The following EBF2 variants were observed in gnomAD, a reference collection of about 807,000 sequenced individuals.
EBF2 encodes the protein EBF transcription factor 2, also known as transcription factor COE2.
Under a neutral mutation model 72.8 loss-of-function variants are expected in EBF2, and 21 were observed. The ratio of observed to expected loss-of-function variants is 0.29; its 90% CI spans 0.20 to 0.42. The LOEUF (loss-of-function observed/expected upper bound fraction) is 0.42, where lower values mean the gene tolerates loss of function less well. EBF2 is among the 10% of genes least tolerant of loss of function. The probability of loss-of-function intolerance (pLI) is 1.00; values close to 1 mark genes in which losing one functional copy is unlikely to be tolerated. For synonymous variants in EBF2, 299 were observed against 274.2 expected, an observed-to-expected ratio of 1.09 and a Z score of -0.89; for missense variants, 637 against 731.2, an observed-to-expected ratio of 0.87 and a Z score of 1.49.
At chr8:25,888,757 T>G (rs1802731808) in intron 8 of EBF2, among the ~76,000 whole-genome samples, 1 of 152,332 alleles carries the variant, frequency 6.6e-6, no homozygotes, top group South Asian at 2.1e-4. Flanking sequence ...AGGCCATAAC[T>G]AAAGTCAATC....
At chr8:25,914,281 T>G (rs572859802) in intron 6 of EBF2, among the ~76,000 whole-genome samples, 3 of 152,328 alleles carry the variant, frequency 2.0e-5, no homozygotes, top group Admixed American at 6.5e-5. Context: ...AATCTAGATC[T>G]TAACTGGAAT....
chr8:25,872,283 A>T (rs1802451991), intron 10 of EBF2, among the ~76,000 whole-genome samples: 2 of 151,846 alleles, frequency 1.3e-5, no homozygotes, highest in Non-Finnish European at 1.5e-5. Flanking sequence ...TGCTTTTTTT[A>T]AAAAAAATGT....
chr8:25,933,926 T>G (rs1803528487), intron 6 of EBF2, among the ~76,000 whole-genome samples: 1 of 152,186 alleles, frequency 6.6e-6, no homozygotes. Context: ...TGTCCATATT[T>G]TCTAAATTTT....
intron 1 of EBF2, among the ~76,000 whole-genome samples, chr8:26,042,937 G>A (rs1398806263): frequency 6.6e-6 from 1 of 152,164 alleles, no homozygotes; most frequent in Non-Finnish European, 1.5e-5. Context: ...CCCGGGGATC[G>A]CTGGCCACCA....
intron 6 of EBF2, among the ~76,000 whole-genome samples, chr8:26,015,016 G>A (rs777228345): frequency 3.9e-5 from 6 of 152,152 alleles, no homozygotes; most frequent in East Asian, 1.9e-4. Flanking sequence ...GATGCAAATC[G>A]TAGGGTGTTA....
At chr8:25,966,155 C>T (rs1804111648) in intron 6 of EBF2, among the ~76,000 whole-genome samples, 1 of 152,174 alleles carries the variant, frequency 6.6e-6, no homozygotes. Flanking sequence ...TTGCTCAAGG[C>T]CTGAGGCTTT....
intron 10 of EBF2, among the ~76,000 whole-genome samples, chr8:25,870,157 C>T (rs796719593): frequency 3.9e-5 from 6 of 152,114 alleles, no homozygotes; most frequent in Admixed American, 2.0e-4. Context: ...AGACCCCATG[C>T]GGAATCAACT....
intron 10 of EBF2, among the ~76,000 whole-genome samples, chr8:25,882,700 T>G (rs1585274360): frequency 6.6e-6 from 1 of 152,184 alleles, no homozygotes; most frequent in East Asian, 1.9e-4. Context: ...GTTAAGTCAC[T>G]TCCCCAAGAT....
intron 15 of EBF2, among the ~76,000 whole-genome samples, chr8:25,845,182 A>G (rs1457363375): frequency 1.3e-5 from 2 of 151,758 alleles, no homozygotes; most frequent in Non-Finnish European, 2.9e-5. Flanking sequence ...TCTGATGCTC[A>G]TTGCAAATGA....
At chr8:25,886,458 A>G (rs1254964867) in intron 10 of EBF2, among the ~76,000 whole-genome samples, 1 of 152,210 alleles carries the variant, frequency 6.6e-6, no homozygotes, top group Non-Finnish European at 1.5e-5. Flanking sequence ...CTATTTTTTA[A>G]TCTGACCATG....
rs558433267 is a variant in EBF2, at chr8:25,889,976, G to C, written c.634-107C>G. 5.7e-5 allele frequency: 50 copies of C among 884,768 alleles called. No homozygotes were observed. In the African/African-American group the frequency reaches 7.6e-4, roughly 13 times the overall value. 54.8% of individuals were successfully genotyped at this position (884,768 alleles called of 1,614,324 possible). A position where few individuals can be genotyped will look rare whatever the true frequency, so the allele number is the denominator to read the frequency against. ...TTTGCCACACTTCCATTTGGCAAAG[G>C]GGAGATGGGACAGAACTTGGGACTC... On this transcript the variant is annotated intron_variant, in intron 7 of 15. Transcript: ENST00000520164.
chr8:26,019,129 T>A lies in EBF2; in HGVS notation c.551+13956A>T, dbSNP rs549841505. Among the ~76,000 whole-genome samples, 3 of 152,260 alleles carry A rather than the reference T, an allele frequency of 2.0e-5. No homozygotes were observed. The South Asian group carries it at 6.2e-4, about 32-fold the overall frequency. ...CAAGGTTTCTTAACTTTCCCTGGAA[T>A]TATCCAATGTGCAACAAGTTCAGGC... is the stretch of plus-strand genomic sequence containing the variant. On this transcript the variant is annotated intron_variant, in intron 6 of 15. Transcript: ENST00000520164.
intron 10 of EBF2, among the ~76,000 whole-genome samples, chr8:25,873,113 G>C (rs117724578): frequency 3.3e-5 from 5 of 152,140 alleles, no homozygotes; most frequent in African/African-American, 7.2e-5. Context: ...ACATGCAAAG[G>C]CTACGTTAAA....
intron 6 of EBF2, among the ~76,000 whole-genome samples, chr8:26,003,478 T>A (rs1804776587): frequency 6.6e-6 from 1 of 152,194 alleles, no homozygotes; most frequent in South Asian, 2.1e-4. Flanking sequence ...AGCAGGTAAG[T>A]AGTCTCCTGT....
intron 7 of EBF2, among the ~76,000 whole-genome samples, chr8:25,895,536 G>C (rs1802852062): frequency 6.6e-6 from 1 of 152,172 alleles, no homozygotes; most frequent in African/African-American, 2.4e-5. Flanking sequence ...ATACAAGAAA[G>C]TTTTAAGAAC....
intron 10 of EBF2, among the ~76,000 whole-genome samples, chr8:25,868,622 A>G (rs1802375806): frequency 1.3e-5 from 2 of 152,138 alleles, no homozygotes; most frequent in Admixed American, 1.3e-4. Context: ...CTTGGGCTAC[A>G]GACATGCACC....
At chr8:25,900,463 AAAAG>A (rs1181281752) in intron 7 of EBF2, among the ~76,000 whole-genome samples, 1 of 151,620 alleles carries the variant, frequency 6.6e-6, no homozygotes, top group African/African-American at 2.4e-5. Flanking sequence ...TGTCTGTAAA[AAAAG>A]AAAGAAAAAG....
chr8:25,988,770 T>G (rs573264200), intron 6 of EBF2, among the ~76,000 whole-genome samples: 1 of 152,314 alleles, frequency 6.6e-6, no homozygotes, highest in Admixed American at 6.5e-5. Flanking sequence ...CATTTGCTAC[T>G]AGGACCATTT....
At chr8:25,882,131 A>G (rs1003929342) in intron 10 of EBF2, among the ~76,000 whole-genome samples, 9 of 152,024 alleles carry the variant, frequency 5.9e-5, no homozygotes, top group African/African-American at 2.2e-4. Flanking sequence ...GCTAAACTAA[A>G]AGAGCACCTG....
Sources: gnomAD v4.1 joint callset for allele counts (sites outside exome capture counted in the v4.1 genomes callset) on GRCh38, gnomAD v4.1.1 for gene constraint, MANE v1.5 for transcripts, NCBI Gene and HGNC (gene_info 2026-07-23, HGNC 2026-07-21) for gene names.